Variants in SYT3 observed in about 807,000 individuals in gnomAD.
SYT3 encodes synaptotagmin-3.
Under a neutral mutation model 50.6 loss-of-function variants are expected in SYT3, and 25 were observed. That is an observed-to-expected ratio of 0.49 (90% confidence interval 0.36 to 0.69). The LOEUF is 0.69. Ranked by LOEUF, SYT3 falls within the 30% of genes least tolerant of loss-of-function variation. The pLI is 0.00. For synonymous variants in SYT3, 323 were observed against 353.9 expected (o/e 0.91, Z 0.98); for missense variants, 589 against 793.6 (o/e 0.74, Z 3.10).
chr19:50,656,216 C>T, the SYT3 span: 2 of 1,536,084 alleles, frequency 1.3e-6, no homozygotes, highest in Non-Finnish European at 1.7e-6. Context: ...CCTGTTCGCT[C>T]TCTCCCTAGA....
In SYT3 at chr19:50,625,776, A is replaced by G; in HGVS notation, c.1402+121T>C. The G allele has an allele frequency of 3.4e-6, 2 of 586,784 alleles. 1 individual carries two copies. The allele number at this position is 586,784 out of a possible 1,614,324, so 36.3% of individuals were successfully genotyped here. On this transcript the variant is annotated intron_variant, in intron 7 of 10. Transcript: ENST00000600079. The surrounding 1 kb of genome is among the most constrained non-coding windows in gnomAD (Gnocchi z 7.5). ...CCCTGGCCCCTCCTCCCTCAGACCC[A>G]GGAGTCCAGATCCCCAGCTCCTCCT...
At chr19:50,638,621 T>C (rs1213369345) in intron 2 of SYT3, among the ~76,000 whole-genome samples, 2 of 151,798 alleles carry the variant, frequency 1.3e-5, no homozygotes, top group East Asian at 1.9e-4. Context: ...TCACGGGGGC[T>C]TGAGAGACGA....
chr19:50,650,402 G>A, the SYT3 span, among the ~76,000 whole-genome samples: 1 of 152,220 alleles, frequency 6.6e-6, no homozygotes, highest in Non-Finnish European at 1.5e-5. Flanking sequence ...TGGGTGTGGT[G>A]GCTCACGCCT....
rs1256416413 is a variant in SYT3, at chr19:50,625,306, G to T, written c.1575-12C>A. ...CGTTGTGCCCGATGCTGGGGGTTGG[G>T]GTCAGTGAGGACCGTGGAGGGTGGT... is the stretch of plus-strand genomic sequence containing the variant. On this transcript the variant is annotated splice_polypyrimidine_tract_variant and intron_variant, in intron 8 of 10. Transcript: ENST00000600079. This position sits in a 1 kb window ranked among gnomAD's most constrained non-coding sequence, Gnocchi z 7.5. 6.5e-7 allele frequency: 1 copy of T among 1,533,082 alleles called. No homozygotes were observed. The highest frequency in any genetic ancestry group is 2.0e-5 in the Admixed American group (1 of 49,098). The allele number at this position is 1,533,082 out of a possible 1,614,324, so 95.0% of individuals were successfully genotyped here. A position where few individuals can be genotyped will look rare whatever the true frequency, so the allele number is the denominator to read the frequency against.
chr19:50,625,353 A>C lies in SYT3; in HGVS notation c.1574+40T>G, dbSNP rs1171345720. On this transcript the variant is annotated intron_variant, in intron 8 of 10. Coordinates refer to ENST00000600079, the MANE Select transcript of SYT3 (RefSeq NM_001160329.2). This position sits in a 1 kb window ranked among gnomAD's most constrained non-coding sequence, Gnocchi z 7.5. ...TGGTGGGAGGGCCTGTCCCCACCCC[A>C]GCCCTCCTGCCTGACCCCCGCCCGG... 3 of 1,538,550 alleles carry C rather than the reference A, an allele frequency of 1.9e-6. No individual in the cohort carries two copies. The highest frequency in any genetic ancestry group is 2.6e-6 in the Non-Finnish European group (3 of 1,143,884).
At position 50,629,386 on chromosome 19, in the gene SYT3, G is replaced by A; in HGVS notation, c.1189C>T (p.Leu397Phe). 6.2e-7 allele frequency: 1 copy of A among 1,613,982 alleles called. No individual in the cohort carries two copies. Among genetic ancestry groups the A allele is most frequent in the Non-Finnish European group, 8.5e-7 (1 of 1,179,936 alleles). ...YDFDRFSRHD[L>F]IGQVVLDNLL... ...TTGTCCAGCACCACCTGGCCGATGA[G>A]GTCGTGCCGCGAGAAGCGGTCAAAG... Residue 397 changes from leucine (L) to phenylalanine (F), a missense_variant, in exon 6 of 11, where the codon CTC becomes TTC. Leu to Phe is a conservative substitution (Grantham distance 22). Around this residue, in one of 2 missense-constraint regions of SYT3, gnomAD observed 273 missense variants for 439.3 expected, o/e 0.62. Transcript: ENST00000600079.
At chr19:50,657,879 C>T in the SYT3 span, 1 of 1,381,714 alleles carries the variant, frequency 7.2e-7, no homozygotes, top group South Asian at 1.6e-5. Context: ...CCCTCAAATG[C>T]CACCTGGAAC....
Position 50,625,653 on chromosome 19 carries a change from G to T in SYT3, c.1403-89C>A. 1 of 1,469,600 alleles carries T rather than the reference G, an allele frequency of 6.8e-7. No individual in the cohort carries two copies. The highest frequency in any genetic ancestry group is 9.0e-7 in the Non-Finnish European group (1 of 1,108,638). 91.0% of individuals were successfully genotyped at this position (1,469,600 alleles called of 1,614,324 possible). A position where few individuals can be genotyped will look rare whatever the true frequency, so the allele number is the denominator to read the frequency against. On this transcript the variant is annotated intron_variant, in intron 7 of 10. Coordinates refer to ENST00000600079, the MANE Select transcript of SYT3 (RefSeq NM_001160329.2). This position sits in a 1 kb window ranked among gnomAD's most constrained non-coding sequence, Gnocchi z 7.5. ...CAGGCCCCGAGCCCCTCCTCCCTCA[G>T]ACCCAGAGGTCCGGGGCCCCAGGCC...
At chr19:50,648,230 A>T in the SYT3 span, among the ~76,000 whole-genome samples, 1 of 151,946 alleles carries the variant, frequency 6.6e-6, no homozygotes, top group Non-Finnish European at 1.5e-5. Flanking sequence ...CAGGGGAAAA[A>T]CCCTGTTTTC....
the SYT3 span, among the ~76,000 whole-genome samples, chr19:50,650,542 G>A: frequency 2.6e-5 from 4 of 152,118 alleles, no homozygotes; most frequent in Admixed American, 1.3e-4. Flanking sequence ...GTGGTGCCGG[G>A]TGCCTGTAAT....
chr19:50,635,110 G>T (rs73042510), intron 3 of SYT3, among the ~76,000 whole-genome samples: 20,500 of 151,780 alleles, frequency 0.14, 1,630 homozygotes, highest in Non-Finnish European at 0.18. Context: ...TAGAGATAGG[G>T]TTTTACCATG....
upstream of SYT3, among the ~76,000 whole-genome samples, chr19:50,641,281 T>A (rs1984673560): frequency 1.4e-5 from 2 of 140,166 alleles, no homozygotes; most frequent in Admixed American, 7.6e-5. Flanking sequence ...CCGGGTTCAC[T>A]CCATTCTCCT....
chr19:50,654,613 CCCTT>C, the SYT3 span, among the ~76,000 whole-genome samples: 1,136 of 149,220 alleles, frequency 7.6e-3, 12 homozygotes, highest in Non-Finnish European at 0.012. Context: ...CTCCCTCCCT[CCCTT>C]CCTTCCTTCC....
rs755446640 is a variant in SYT3 at position 50,625,947 on chromosome 19, G to C, written c.1352C>G (p.Thr451Ser). The C allele has an allele frequency of 1.2e-6, 2 of 1,614,138 alleles. No individual in the cohort carries two copies. The highest frequency in any genetic ancestry group is 1.7e-6 in the Non-Finnish European group (2 of 1,180,020). The change falls in exon 7 of 11, where the codon ACC becomes AGC. Residue 451 changes from threonine (T) to serine (S), a missense_variant. By Grantham distance (58) the Thr-to-Ser change is moderately conservative. This residue lies in a region of SYT3 where 273 missense variants were observed against 439.3 expected (regional missense o/e 0.62). Transcript: ENST00000600079. This position sits in a 1 kb window ranked among gnomAD's most constrained non-coding sequence, Gnocchi z 7.5. ...YLPTAGRLTV[T>S]IIKASNLKAM... is the part of the protein sequence containing the mutation. ...TTTGAGGTTAGAGGCTTTGATGATG[G>C]TCACGGTGAGGCGCCCGGCCGTGGG...
At chr19:50,640,699 C>T (rs1186669248), upstream of SYT3, among the ~76,000 whole-genome samples, 1 of 152,004 alleles carries the variant, frequency 6.6e-6, no homozygotes. Context: ...ACATAAAATA[C>T]ACTAACAGTA....
rs1388207797 is a variant in SYT3 at position 50,625,363 on chromosome 19, C to T, written c.1574+30G>A. ...GCCTGTCCCCACCCCAGCCCTCCTG[C>T]CTGACCCCCGCCCGGGCCGCGCCCC... On this transcript the variant is annotated intron_variant, in intron 8 of 10. Transcript: ENST00000600079. The surrounding 1 kb of genome is among the most constrained non-coding windows in gnomAD (Gnocchi z 7.5). 3.2e-6 allele frequency: 5 copies of T among 1,541,070 alleles called. No individual in the cohort carries two copies. Among genetic ancestry groups the T allele is most frequent in the Middle Eastern group, 1.7e-4 (1 of 5,962 alleles).
the SYT3 span, among the ~76,000 whole-genome samples, chr19:50,657,470 CTG>C: frequency 6.6e-6 from 1 of 152,184 alleles, no homozygotes; most frequent in Non-Finnish European, 1.5e-5. Context: ...CGTGATGCAA[CTG>C]TGTTTAGTGA....
intron 6 of SYT3, among the ~76,000 whole-genome samples, chr19:50,627,519 G>A (rs190564743): frequency 4.6e-5 from 7 of 152,308 alleles, no homozygotes; most frequent in South Asian, 2.1e-4. Context: ...TCAGGAGTTC[G>A]AGACCAGCCT....
the SYT3 span, among the ~76,000 whole-genome samples, chr19:50,654,102 G>A: frequency 6.6e-6 from 1 of 151,918 alleles, no homozygotes; most frequent in African/African-American, 2.4e-5. Flanking sequence ...TTGGTGTTAC[G>A]GGAAATGTTT....
Sources: gnomAD v4.1 joint callset for allele counts (sites outside exome capture counted in the v4.1 genomes callset) on GRCh38, gnomAD v4.1.1 for gene constraint, gnomAD v4.1.1 regional missense constraint, Gnocchi (gnomAD v3.1) non-coding constraint, MANE v1.5 for transcripts, NCBI Gene and HGNC (gene_info 2026-07-23, HGNC 2026-07-21) for gene names.